Variants in HPS3 observed in about 807,000 individuals in gnomAD.
HPS3 encodes BLOC-2 complex member HPS3.
Under a neutral mutation model 110.9 loss-of-function variants are expected in HPS3, and 79 were observed. That is an observed-to-expected ratio of 0.71 (90% CI 0.59 to 0.86). HPS3 has a LOEUF of 0.86. Among genes scored for constraint, HPS3 ranks in the 40% least tolerant of loss-of-function variants. The pLI, the probability that HPS3 is intolerant of heterozygous loss-of-function variation, is 0.00. For missense variants in HPS3, 1,197 were observed against 1,206.2 expected (o/e 0.99, Z 0.11); for synonymous variants, 428 against 451.0 (o/e 0.95, Z 0.65).
chr3:149,167,272 G>A, intron 15 of HPS3, 32 bp downstream of exon 15: 1 of 1,538,896 alleles, frequency 6.5e-7, no homozygotes, highest in Non-Finnish European at 8.9e-7. Flanking sequence ...TTTTAGGCTT[G>A]ATCAGTGATA....
chr3:149,151,159 C>T (rs1262120016), intron 6 of HPS3, among the ~76,000 whole-genome samples: 1 of 151,434 alleles, frequency 6.6e-6, no homozygotes, highest in East Asian at 1.9e-4. Context: ...AGGTGTGCAC[C>T]ACCATGCCCT....
At chr3:149,152,933 A>T (rs775253838) in intron 6 of HPS3, among the ~76,000 whole-genome samples, 6 of 152,212 alleles carry the variant, frequency 3.9e-5, no homozygotes, top group Non-Finnish European at 7.3e-5. Flanking sequence ...CCTGTCCGCC[A>T]TTCCAGGCAC....
intron 1 of HPS3, among the ~76,000 whole-genome samples, chr3:149,134,328 A>G (rs1334436342): frequency 2.0e-5 from 3 of 152,182 alleles, no homozygotes; most frequent in African/African-American, 4.8e-5. Context: ...CAAGAGTTCT[A>G]CTGAGTAACA....
In HPS3 at chr3:149,140,478, G is replaced by T; in HGVS notation, c.692G>T (p.Arg231Leu). ...VHHHPHKTNN[R>L]IRRTEEGISN... Reference sequence around the variant, plus strand: ...CACCATCCACATAAGACCAACAATCGAATAAGACGGACAGAAGAAGGTAAA... The same window carrying T: ...CACCATCCACATAAGACCAACAATCTAATAAGACGGACAGAAGAAGGTAAA... Residue 231 changes from arginine (R) to leucine (L), a missense_variant, in exon 2 of 17, where the codon CGA becomes CTA. Coordinates refer to ENST00000296051, the MANE Select transcript of HPS3 (RefSeq NM_032383.5). 6.2e-7 allele frequency: 1 copy of T among 1,614,046 alleles called. No homozygotes were observed. The highest frequency in any genetic ancestry group is 1.1e-5 in the South Asian group (1 of 91,052).
Position 149,129,700 on chromosome 3 carries a change from T to C in HPS3, c.-24T>C. 4 of 1,546,232 alleles carry C rather than the reference T, an allele frequency of 2.6e-6. No homozygotes were observed. The highest frequency in any genetic ancestry group is 1.2e-5 in the South Asian group (1 of 85,204). On this transcript the variant is annotated 5_prime_UTR_variant, in exon 1 of 17. Transcript: ENST00000296051. ...CGGGCGCCCTGCAGGGCGGGCAGGC[T>C]GTGCCATCCCGCCGGACGTCGGGAT...
In HPS3 at chr3:149,172,318, TCACACACACACACA is replaced by T. The variant is rs113015797; in HGVS notation, c.*121_*134del. 1.6e-4 allele frequency: 89 copies of T among 571,946 alleles called. No individual in the cohort carries two copies. Among genetic ancestry groups the T allele is most frequent in the Middle Eastern group, 4.9e-4 (1 of 2,030 alleles). 35.4% of individuals were successfully genotyped at this position (571,946 alleles called of 1,614,324 possible). A position where few individuals can be genotyped will look rare whatever the true frequency, so the allele number is the denominator to read the frequency against. ...GTAGAGGAGTTTTTTATTTTATATA[TCACACACACACACA>T]CACACACACACACACACACACACAT... On this transcript the variant is annotated 3_prime_UTR_variant, in exon 17 of 17. Coordinates refer to ENST00000296051, the MANE Select transcript of HPS3 (RefSeq NM_032383.5).
chr3:149,158,630 T>G, intron 9 of HPS3, 36 bp from the exon 10 acceptor site: 2 of 1,589,736 alleles, frequency 1.3e-6, no homozygotes, highest in South Asian at 1.1e-5. Context: ...TTTAAAAAAG[T>G]GACAAATTTG....
rs1042706528 is a variant in HPS3, at chr3:149,172,182, C to G, written c.2975C>G (p.Pro992Arg). 6.2e-7 allele frequency: 1 copy of G among 1,613,244 alleles called. No homozygotes were observed. Among genetic ancestry groups the G allele is most frequent in the Non-Finnish European group, 8.5e-7 (1 of 1,179,378 alleles). The change falls in exon 17 of 17, where the codon CCA becomes CGA. Residue 992 changes from proline (P) to arginine (R), a missense_variant. Pro to Arg is a moderately radical substitution (Grantham distance 103, BLOSUM62 -2). Coordinates refer to ENST00000296051, the MANE Select transcript of HPS3 (RefSeq NM_032383.5). ...PEDGTATFFL[P>R]YLLYCSRKKP... ...GATGGTACTGCAACATTTTTCTTGC[C>G]ATATCTTCTCTATTGCAGTCGAAAG...
intron 11 of HPS3, among the ~76,000 whole-genome samples, chr3:149,160,520 AGCACTGAGCTTG>A (rs1474799930): frequency 3.7e-4 from 57 of 152,234 alleles, no homozygotes; most frequent in African/African-American, 1.3e-3. Context: ...GTGCGTTCAG[AGCACTGAGCTTG>A]GTACTAAAGA....
Position 149,172,316 on chromosome 3 carries a change from T to TCACACAC in HPS3, c.*94_*95insCACACAC, listed in dbSNP as rs1200676922. 7 of 681,188 alleles carry TCACACAC rather than the reference T, an allele frequency of 1.0e-5. No homozygotes were observed. In the African/African-American group the frequency reaches 1.3e-4, roughly 13 times the overall value. 42.2% of individuals were successfully genotyped at this position (681,188 alleles called of 1,614,324 possible). ...AAGTAGAGGAGTTTTTTATTTTATA[T>TCACACAC]ATCACACACACACACACACACACAC... On this transcript the variant is annotated 3_prime_UTR_variant, in exon 17 of 17. Coordinates refer to ENST00000296051, the MANE Select transcript of HPS3 (RefSeq NM_032383.5).
chr3:149,163,402 CCT>C (rs1559924040), intron 13 of HPS3, among the ~76,000 whole-genome samples: 1 of 152,150 alleles, frequency 6.6e-6, no homozygotes, highest in Non-Finnish European at 1.5e-5. Flanking sequence ...CCATTTCTGT[CCT>C]AGCTCATTAG....
At chr3:149,136,198 GTA>G (rs1722082394) in intron 1 of HPS3, among the ~76,000 whole-genome samples, 1 of 110,884 alleles carries the variant, frequency 9.0e-6, no homozygotes, top group Admixed American at 8.7e-5. Context: ...TATAATATAT[GTA>G]TATACATATA....
In HPS3 at chr3:149,150,683, A is replaced by T; in HGVS notation, c.1245+3A>T. The T allele has an allele frequency of 1.2e-6, 2 of 1,609,786 alleles. No homozygotes were observed. The highest frequency in any genetic ancestry group is 1.7e-6 in the Non-Finnish European group (2 of 1,175,924). ...CGTACATGGACACCACCCTGAAGGT[A>T]AGAACTGGCTTATGAAGATAGTGAA... On this transcript the variant is annotated splice_donor_region_variant and intron_variant, in intron 6 of 16. Coordinates refer to ENST00000296051, the MANE Select transcript of HPS3 (RefSeq NM_032383.5).
chr3:149,172,161 G>T lies in HPS3; in HGVS notation c.2954G>T (p.Gly985Val), dbSNP rs1259912926. ...TTCATGAATGTTCTCCCAGAAGATG[G>T]TACTGCAACATTTTTCTTGCCATAT... is the stretch of plus-strand genomic sequence containing the variant. ...KDFMNVLPED[G>V]TATFFLPYLL... The change falls in exon 17 of 17, where the codon GGT becomes GTT. Residue 985 changes from glycine to valine, a missense_variant. Gly to Val is a moderately radical substitution (Grantham distance 109). Transcript: ENST00000296051. 1.2e-6 allele frequency: 2 copies of T among 1,612,564 alleles called. No individual in the cohort carries two copies. The highest frequency in any genetic ancestry group is 4.5e-5 in the East Asian group (2 of 44,874).
intron 1 of HPS3, among the ~76,000 whole-genome samples, chr3:149,139,743 T>G (rs1722317376): frequency 6.6e-6 from 1 of 152,224 alleles, no homozygotes; most frequent in South Asian, 2.1e-4. Context: ...TACATTTTAT[T>G]CCTTATATGA....
At chr3:149,131,334 T>G (rs1721763048) in intron 1 of HPS3, among the ~76,000 whole-genome samples, 1 of 151,932 alleles carries the variant, frequency 6.6e-6, no homozygotes, top group South Asian at 2.1e-4. Context: ...TCTCCCCAAT[T>G]GAAAGTTTGT....
rs142027515 is a variant in HPS3, at chr3:149,158,685, C to T, written c.1711C>T (p.His571Tyr). The T allele has an allele frequency of 3.0e-4, 486 of 1,613,710 alleles. 2 individuals carry two copies. In the East Asian group the frequency reaches 9.3e-3, roughly 31 times the overall value. Residue 571 changes from histidine to tyrosine, a missense_variant, in exon 10 of 17, where the codon CAT (histidine) becomes TAT (tyrosine). His to Tyr is a moderately conservative substitution (Grantham distance 83). Transcript: ENST00000296051. ...CYSRLDSQHS[H>Y]LTLPYYKMSG... Reference sequence around the variant, plus strand: ...CTTTAGGCTTGACTCCCAGCATTCTCATCTCACCTTGCCATACTATAAGAT... The same window carrying T: ...CTTTAGGCTTGACTCCCAGCATTCTTATCTCACCTTGCCATACTATAAGAT...
At chr3:149,142,893 AG>A (rs1250910957) in intron 4 of HPS3, among the ~76,000 whole-genome samples, 3 of 152,144 alleles carry the variant, frequency 2.0e-5, no homozygotes, top group Non-Finnish European at 4.4e-5. Context: ...AGGTCAGGGA[AG>A]GCTTCCTGAG....
chr3:149,159,460 G>A (rs1723657763), intron 10 of HPS3, among the ~76,000 whole-genome samples: 1 of 152,156 alleles, frequency 6.6e-6, no homozygotes, highest in South Asian at 2.1e-4. Flanking sequence ...CTACTCAGGA[G>A]GCTGAGGCAG....
Sources: gnomAD v4.1 joint callset for allele counts (sites outside exome capture counted in the v4.1 genomes callset) on GRCh38, gnomAD v4.1.1 for gene constraint, MANE v1.5 for transcripts, NCBI Gene and HGNC (gene_info 2026-07-23, HGNC 2026-07-21) for gene names.